The following EPB41L2 variants were observed in gnomAD, a reference collection of about 807,000 sequenced individuals.
EPB41L2 encodes erythrocyte membrane protein band 4.1 like 2, also known as band 4.1-like protein 2.
In EPB41L2, 43 loss-of-function variants were observed where a neutral mutation model predicts 113.0. The ratio of observed to expected loss-of-function variants is 0.38; its 90% CI spans 0.30 to 0.49. EPB41L2 has a LOEUF of 0.49. Ranked by LOEUF, EPB41L2 falls within the 20% of genes least tolerant of loss-of-function variation. EPB41L2 has a pLI of 0.95. For synonymous variants in EPB41L2, 442 were observed against 436.7 expected (o/e 1.01, Z -0.15); for missense variants, 1,147 against 1,223.4 (o/e 0.94, Z 0.93).
chr6:130,904,579 CAGA>C (rs765429097), intron 5 of EPB41L2, 39 bp from the exon 6 acceptor site: 3 of 1,331,720 alleles, frequency 2.3e-6, no homozygotes, highest in East Asian at 2.3e-5. Flanking sequence ...ACCCAATTAA[CAGA>C]AGAATGACTA....
At chr6:130,900,263 G>A (rs187194011) in intron 7 of EPB41L2, among the ~76,000 whole-genome samples, 1 of 151,728 alleles carries the variant, frequency 6.6e-6, no homozygotes, top group East Asian at 2.1e-4. Context: ...CAATGAATGT[G>A]GCCTGTTTAA....
chr6:130,987,005 G>C (rs1418400624), intron 1 of EPB41L2, among the ~76,000 whole-genome samples: 1 of 151,970 alleles, frequency 6.6e-6, no homozygotes, highest in Admixed American at 6.6e-5. Context: ...TTTTGTGTCT[G>C]GTTTCTTTCA....
At chr6:130,852,892 G>T (rs893986077) in intron 19 of EPB41L2, among the ~76,000 whole-genome samples, 2 of 152,074 alleles carry the variant, frequency 1.3e-5, no homozygotes, top group African/African-American at 4.8e-5. Context: ...GCCTGGAATG[G>T]CCCCCTTTAC....
chr6:130,860,411 A>T (rs939187183), intron 18 of EPB41L2, among the ~76,000 whole-genome samples: 1 of 152,288 alleles, frequency 6.6e-6, no homozygotes, highest in African/African-American at 2.4e-5. Flanking sequence ...TCAGTTTGTT[A>T]AAACTCCTTT....
intron 17 of EPB41L2, among the ~76,000 whole-genome samples, chr6:130,864,489 GCGTTATGGGCTC>G (rs1041387497): frequency 6.6e-6 from 1 of 152,208 alleles, no homozygotes; most frequent in East Asian, 1.9e-4. Flanking sequence ...CTGCCTCACA[GCGTTATGGGCTC>G]CGTACAAGCT....
intron 1 of EPB41L2, among the ~76,000 whole-genome samples, chr6:130,998,703 C>CA (rs888450151): frequency 8.5e-5 from 13 of 152,258 alleles, no homozygotes; most frequent in Admixed American, 2.0e-4. Context: ...ACTCTGATTA[C>CA]AGTAAATAAA....
chr6:130,894,480 A>C (rs1339737087), intron 9 of EPB41L2, 39 bp from the exon 10 acceptor site: 1 of 1,565,724 alleles, frequency 6.4e-7, no homozygotes, highest in East Asian at 2.2e-5. Flanking sequence ...ATATTTCCTT[A>C]AGAACTGACT....
chr6:131,030,142 C>T (rs1472993071), intron 1 of EPB41L2, among the ~76,000 whole-genome samples: 1 of 152,182 alleles, frequency 6.6e-6, no homozygotes, highest in Non-Finnish European at 1.5e-5. Flanking sequence ...AAGTGACTCG[C>T]TCAAGAATAA....
intron 1 of EPB41L2, among the ~76,000 whole-genome samples, 171 bp downstream of exon 1, chr6:131,062,984 G>GC (rs1339245029): frequency 2.0e-5 from 3 of 151,994 alleles, no homozygotes; most frequent in Admixed American, 6.5e-5. Flanking sequence ...CCAAAGCCGG[G>GC]CCCCCTCTCC....
intron 1 of EPB41L2, among the ~76,000 whole-genome samples, chr6:131,041,756 A>C (rs1794498448): frequency 6.6e-6 from 1 of 152,204 alleles, no homozygotes; most frequent in Admixed American, 6.5e-5. Context: ...AAACTGAAAG[A>C]AAAAGAAGAG....
At chr6:130,850,550 GGT>G (rs1347608239) in intron 19 of EPB41L2, among the ~76,000 whole-genome samples, 2 of 151,976 alleles carry the variant, frequency 1.3e-5, no homozygotes, top group African/African-American at 4.8e-5. Flanking sequence ...GGAAAGGGGG[GGT>G]GTGTGTATGT....
chr6:131,045,485 G>A (rs1795281937), intron 1 of EPB41L2, among the ~76,000 whole-genome samples: 1 of 151,692 alleles, frequency 6.6e-6, no homozygotes. Context: ...AAAGTCTTGG[G>A]TGATAAAAAT....
chr6:131,013,746 T>C (rs1787569230), intron 1 of EPB41L2, among the ~76,000 whole-genome samples: 1 of 152,212 alleles, frequency 6.6e-6, no homozygotes, highest in Non-Finnish European at 1.5e-5. Flanking sequence ...CTTTGCTTTA[T>C]AGAGCCAAAT....
intron 1 of EPB41L2, among the ~76,000 whole-genome samples, chr6:130,963,120 C>T (rs2095961): frequency 0.46 from 70,571 of 152,046 alleles, 18,074 homozygotes; most frequent in East Asian, 0.92. Flanking sequence ...TCCTTGATCG[C>T]GCCACACATG....
chr6:131,002,685 T>C (rs565165301), intron 1 of EPB41L2, among the ~76,000 whole-genome samples: 47 of 152,360 alleles, frequency 3.1e-4, no homozygotes, highest in Non-Finnish European at 6.0e-4. Flanking sequence ...ATACTTCAGA[T>C]ATGACTGTGT....
At chr6:130,952,973 T>C (rs1815752139) in intron 3 of EPB41L2, among the ~76,000 whole-genome samples, 1 of 150,734 alleles carries the variant, frequency 6.6e-6, no homozygotes, top group African/African-American at 2.5e-5. Flanking sequence ...AACCATAAAG[T>C]ACGTTGGTCA....
intron 4 of EPB41L2, among the ~76,000 whole-genome samples, chr6:130,915,107 T>C (rs1376152923): frequency 1.3e-5 from 2 of 151,866 alleles, no homozygotes; most frequent in Admixed American, 6.5e-5. Flanking sequence ...ATCGAGACCA[T>C]CCCGGCTAAA....
chr6:131,009,711 G>C (rs548250582), intron 1 of EPB41L2, among the ~76,000 whole-genome samples: 2 of 124,018 alleles, frequency 1.6e-5, no homozygotes, highest in South Asian at 5.3e-4. Context: ...AGAAAAAAAA[G>C]GTAAATCTGC....
chr6:131,008,705 T>A (rs1786201603), intron 1 of EPB41L2, among the ~76,000 whole-genome samples: 1 of 152,216 alleles, frequency 6.6e-6, no homozygotes, highest in Non-Finnish European at 1.5e-5. Flanking sequence ...GGAGCCCAAC[T>A]CTTGCATCAT....
Sources: gnomAD v4.1 joint callset for allele counts (sites outside exome capture counted in the v4.1 genomes callset) on GRCh38, gnomAD v4.1.1 for gene constraint, MANE v1.5 for transcripts, NCBI Gene and HGNC (gene_info 2026-07-23, HGNC 2026-07-21) for gene names.